The following MAP2K3 variants were observed in gnomAD, a reference collection of about 807,000 sequenced individuals.
The protein encoded by MAP2K3 is dual specificity mitogen-activated protein kinase kinase 3.
Under a neutral mutation model 46.4 loss-of-function variants are expected in MAP2K3, and 30 were observed. The observed-to-expected ratio is 0.65, with a 90% confidence interval of 0.48 to 0.88. The LOEUF (loss-of-function observed/expected upper bound fraction) is 0.88, where lower values mean the gene tolerates loss of function less well. Among genes scored for constraint, MAP2K3 ranks in the 40% least tolerant of loss-of-function variants. The pLI is 0.00. For missense variants in MAP2K3, 380 were observed against 464.5 expected (o/e 0.82, Z 1.67); for synonymous variants, 189 against 176.3 (o/e 1.07, Z -0.57).
chr17:21,310,951 T>A (rs1235108675), intron 9 of MAP2K3, among the ~76,000 whole-genome samples: 1 of 152,268 alleles, frequency 6.6e-6, no homozygotes, highest in Non-Finnish European at 1.5e-5. Flanking sequence ...GTCCTTCTCC[T>A]GTAGCTCGTA....
Position 21,313,691 on chromosome 17 carries a change from C to G in MAP2K3, c.960+154C>G, listed in dbSNP as rs1012677759. 6.1e-5 allele frequency: 41 copies of G among 671,366 alleles called. No homozygotes were observed. In the Admixed American group the frequency reaches 9.5e-4, roughly 15 times the overall value. 41.6% of individuals were successfully genotyped at this position (671,366 alleles called of 1,614,324 possible). A position where few individuals can be genotyped will look rare whatever the true frequency, so the allele number is the denominator to read the frequency against. The stretch of plus-strand genomic sequence containing the variant: ...TAGGTGCTCGGTCATTTGTTTGCTC[C>G]TGCATACCTGGCTCCCTCCTCCCTC... On this transcript the variant is annotated intron_variant, in intron 11 of 11. Coordinates refer to ENST00000342679, the MANE Select transcript of MAP2K3 (RefSeq NM_145109.3).
At chr17:21,304,147 G>T (rs1345017402) in intron 7 of MAP2K3, among the ~76,000 whole-genome samples, 1 of 152,310 alleles carries the variant, frequency 6.6e-6, no homozygotes, top group Non-Finnish European at 1.5e-5. Context: ...TCCCAGCAAA[G>T]CACCTGGAGT....
intron 9 of MAP2K3, among the ~76,000 whole-genome samples, chr17:21,311,211 C>A (rs1294902994): frequency 6.6e-6 from 1 of 152,182 alleles, no homozygotes. Context: ...GAGGTCTCTT[C>A]CGTTCATCAT....
intron 9 of MAP2K3, among the ~76,000 whole-genome samples, chr17:21,308,173 A>C (rs1215085058): frequency 8.2e-6 from 1 of 121,822 alleles, no homozygotes; most frequent in Non-Finnish European, 1.7e-5. Flanking sequence ...TTTTTGAGGG[A>C]GTCTCACTCT....
intron 1 of MAP2K3, among the ~76,000 whole-genome samples, chr17:21,290,751 A>G (rs1262114293): frequency 6.6e-6 from 1 of 152,312 alleles, no homozygotes; most frequent in Non-Finnish European, 1.5e-5. Context: ...GGAGTTCACA[A>G]CCAGCCTGGG....
At chr17:21,298,581 T>C in intron 2 of MAP2K3, 102 bp downstream of exon 2, 1 of 1,584,596 alleles carries the variant, frequency 6.3e-7, no homozygotes, top group Non-Finnish European at 8.7e-7. Context: ...CTGCTTTACC[T>C]CGTCCTGTCC....
At chr17:21,285,628 T>A (rs1013785145) in intron 1 of MAP2K3, among the ~76,000 whole-genome samples, 1 of 152,124 alleles carries the variant, frequency 6.6e-6, no homozygotes, top group Non-Finnish European at 1.5e-5. Flanking sequence ...ACCTTCCTTG[T>A]CCTCCCACCC....
At chr17:21,299,001 A>ACC (rs1976434814) in intron 3 of MAP2K3, 75 bp downstream of exon 3, 1 of 1,600,692 alleles carries the variant, frequency 6.2e-7, no homozygotes, top group East Asian at 2.2e-5. Context: ...CTGCAGGGCC[A>ACC]CTTTGGGGGG....
At chr17:21,297,489 C>A in intron 1 of MAP2K3, among the ~76,000 whole-genome samples, 1 of 152,428 alleles carries the variant, frequency 6.6e-6, no homozygotes, top group Middle Eastern at 3.4e-3. Flanking sequence ...ACTCCCAGCC[C>A]TGCTGCCTGA....
intron 9 of MAP2K3, among the ~76,000 whole-genome samples, chr17:21,309,750 AC>A (rs1714363264): frequency 6.6e-6 from 1 of 151,168 alleles, no homozygotes; most frequent in South Asian, 2.1e-4. Context: ...AGTAGCTGGG[AC>A]TACAGGCGTG....
chr17:21,297,421 C>G (rs1044740556), intron 1 of MAP2K3, among the ~76,000 whole-genome samples: 1 of 152,312 alleles, frequency 6.6e-6, no homozygotes, highest in Non-Finnish European at 1.5e-5. Context: ...CAGAAGCTCC[C>G]ACAAGGGCAG....
intron 1 of MAP2K3, among the ~76,000 whole-genome samples, chr17:21,297,426 G>A (rs1478573117): frequency 6.6e-6 from 1 of 152,312 alleles, no homozygotes; most frequent in Non-Finnish European, 1.5e-5. Flanking sequence ...GCTCCCACAA[G>A]GGCAGGCATG....
chr17:21,284,912 AC>A lies in MAP2K3; in HGVS notation c.-8del, dbSNP rs765615863. 1 of 1,611,992 alleles carries A rather than the reference AC, an allele frequency of 6.2e-7. No homozygotes were observed. Among genetic ancestry groups the A allele is most frequent in the Non-Finnish European group, 8.5e-7 (1 of 1,179,578 alleles). ...TAGTCTCCACCGCCGTCCAGGACCCACTTGCAGCATGGAGTCGCCCGCCTCG... is the reference window on the plus strand; with the variant it reads ...TAGTCTCCACCGCCGTCCAGGACCCATTGCAGCATGGAGTCGCCCGCCTCG... On this transcript the variant is annotated 5_prime_UTR_variant, in exon 1 of 12. Coordinates refer to ENST00000342679, the MANE Select transcript of MAP2K3 (RefSeq NM_145109.3).
chr17:21,285,983 C>T (rs977719527), intron 1 of MAP2K3, among the ~76,000 whole-genome samples: 1 of 152,202 alleles, frequency 6.6e-6, no homozygotes, highest in East Asian at 1.9e-4. Flanking sequence ...ATTTCCAAAC[C>T]GGACATAGCC....
At chr17:21,295,711 G>A (rs1488995534) in intron 1 of MAP2K3, 17 of 1,289,360 alleles carry the variant, frequency 1.3e-5, no homozygotes, top group Non-Finnish European at 1.7e-5. Context: ...ATACCACCCA[G>A]GCCTGCGAGG....
intron 1 of MAP2K3, 66 bp downstream of exon 1, chr17:21,285,035 C>G (rs1450296674): frequency 1.3e-6 from 2 of 1,557,644 alleles, no homozygotes; most frequent in Admixed American, 1.9e-5. Flanking sequence ...CTGCAAACCC[C>G]GACCTTTCTT....
intron 7 of MAP2K3, among the ~76,000 whole-genome samples, chr17:21,303,624 T>C (rs1976727977): frequency 6.6e-6 from 1 of 152,308 alleles, no homozygotes; most frequent in East Asian, 1.9e-4. Context: ...CCATCCCCCA[T>C]GTGCCTAAGG....
intron 9 of MAP2K3, among the ~76,000 whole-genome samples, chr17:21,307,818 C>T (rs1476448736): frequency 2.2e-5 from 3 of 135,716 alleles, no homozygotes; most frequent in Non-Finnish European, 4.6e-5. Flanking sequence ...ACTGGGATTA[C>T]AGGCTCGTGC....
chr17:21,291,324 AATAGAAT>A (rs1181449187), intron 1 of MAP2K3: 5 of 192,070 alleles, frequency 2.6e-5, no homozygotes, highest in South Asian at 1.8e-4. Context: ...AATAGAATAC[AATAGAAT>A]ACAGTACAAT....
Sources: gnomAD v4.1 joint callset for allele counts (sites outside exome capture counted in the v4.1 genomes callset) on GRCh38, gnomAD v4.1.1 for gene constraint, MANE v1.5 for transcripts, NCBI Gene and HGNC (gene_info 2026-07-23, HGNC 2026-07-21) for gene names.